The following DYSF variants were observed in gnomAD, a reference collection of about 807,000 sequenced individuals.
DYSF encodes dysferlin.
A neutral mutation model predicts 274.9 loss-of-function variants in DYSF; 212 were observed. The ratio of observed to expected loss-of-function variants is 0.77; its 90% confidence interval spans 0.69 to 0.86. The LOEUF (loss-of-function observed/expected upper bound fraction) is 0.86. DYSF is among the 40% of genes least tolerant of loss of function. The pLI is 0.00. For missense variants in DYSF, 2,666 were observed against 2,783.2 expected (o/e 0.96, Z 0.95); for synonymous variants, 1,091 against 1,078.7 (o/e 1.01, Z -0.22).
At chr2:71,524,187 C>T (rs1038458075) in intron 12 of DYSF, among the ~76,000 whole-genome samples, 7 of 152,164 alleles carry the variant, frequency 4.6e-5, no homozygotes, top group Non-Finnish European at 7.3e-5. Context: ...AAGCTTGCCT[C>T]GTCTTCCAGG....
At chr2:71,599,721 A>G (rs780598111) in intron 33 of DYSF, among the ~76,000 whole-genome samples, 15 of 152,304 alleles carry the variant, frequency 9.8e-5, no homozygotes, top group Non-Finnish European at 1.8e-4. Flanking sequence ...CGGTGGGATG[A>G]AAGGGGAGGG....
intron 33 of DYSF, among the ~76,000 whole-genome samples, chr2:71,600,372 C>A (rs999913096): frequency 6.6e-6 from 1 of 152,316 alleles, no homozygotes; most frequent in African/African-American, 2.4e-5. Flanking sequence ...TAGAGAAATG[C>A]CAGGAGGCCG....
intron 28 of DYSF, 45 bp from the exon 29 acceptor site, chr2:71,570,554 G>A (rs771489612): frequency 8.1e-6 from 13 of 1,607,658 alleles, no homozygotes; most frequent in Admixed American, 1.7e-5. Context: ...CAGGAGAGAT[G>A]GGGGGAACTG....
chr2:71,599,782 G>C (rs962849455), intron 33 of DYSF, among the ~76,000 whole-genome samples: 3 of 152,236 alleles, frequency 2.0e-5, no homozygotes, highest in African/African-American at 7.2e-5. Context: ...CAGACATCAG[G>C]TTCCCTGGGT....
Position 71,658,964 on chromosome 2 carries a change from C to G in DYSF, c.4842C>G (p.Pro1614=). 1 of 1,614,180 alleles carries G rather than the reference C, an allele frequency of 6.2e-7. No individual in the cohort carries two copies. The highest frequency in any genetic ancestry group is 1.3e-5 in the African/African-American group (1 of 75,062). Residue 1614 remains proline, a synonymous_variant, in exon 44 of 56, where the codon CCC becomes CCG. Coordinates refer to ENST00000410020, the MANE Select transcript of DYSF (RefSeq NM_001130987.2). ...TCCACCAGCTGGCCGCCCAGGGACC[C>G]CAGGAGTGCTTGGTCCGTATCTACA... The part of the protein sequence containing the change: ...RQFHQLAAQG[P]QECLVRIYIV...
Position 71,561,855 on chromosome 2 carries a change from C to T in DYSF, c.2320C>T (p.Leu774=). Residue 774 remains leucine, a synonymous_variant, in exon 23 of 56, where the codon CTG becomes TTG. Coordinates refer to ENST00000410020, the MANE Select transcript of DYSF (RefSeq NM_001130987.2). ...HHLSQITEAA[L]ALKLGHSELP... ...CCTGAGCCAAATCACTGAGGCTGCC[C>T]TGGCCCTGAAGCTCGGCCACAGTGA... The T allele has an allele frequency of 6.2e-7, 1 of 1,614,172 alleles. No individual in the cohort carries two copies. Among genetic ancestry groups the T allele is most frequent in the Non-Finnish European group, 8.5e-7 (1 of 1,180,028 alleles).
chr2:71,549,929 G>A (rs1158896172), intron 17 of DYSF, among the ~76,000 whole-genome samples: 1 of 152,226 alleles, frequency 6.6e-6, no homozygotes, highest in African/African-American at 2.4e-5. Flanking sequence ...GTTGAAGGAG[G>A]TGGGGAGGCC....
intron 14 of DYSF, 65 bp downstream of exon 14, chr2:71,528,466 C>A: frequency 7.2e-7 from 1 of 1,382,742 alleles, no homozygotes; most frequent in Non-Finnish European, 1.0e-6. Context: ...GTGGACTGTG[C>A]CGGGTGAGAG....
intron 20 of DYSF, 54 bp from the exon 21 acceptor site, chr2:71,553,752 AT>A: frequency 5.2e-5 from 14 of 267,800 alleles, no homozygotes; most frequent in East Asian, 1.3e-4. Context: ...TTAGCACCCC[AT>A]CCCACCCGCC....
At chr2:71,628,970 A>T (rs1429512199) in intron 41 of DYSF, among the ~76,000 whole-genome samples, 1 of 152,198 alleles carries the variant, frequency 6.6e-6, no homozygotes, top group African/African-American at 2.4e-5. Flanking sequence ...AAAAATTTAA[A>T]AAGTAAAATT....
chr2:71,467,030 G>A, intron 1 of DYSF, 97 bp downstream of exon 1: 2 of 1,472,412 alleles, frequency 1.4e-6, no homozygotes, highest in Non-Finnish European at 1.8e-6. Context: ...GCTAACCCTA[G>A]TCCAGGCCAC....
chr2:71,634,039 C>T (rs1207981078), intron 41 of DYSF, among the ~76,000 whole-genome samples: 1 of 152,128 alleles, frequency 6.6e-6, no homozygotes, highest in Non-Finnish European at 1.5e-5. Context: ...AATAGATCTC[C>T]GCTATTTTCT....
In DYSF at chr2:71,540,271, C is replaced by T. The variant is rs368237706; in HGVS notation, c.1576+1032C>T. ...GACTACAGGCGCGCGCCACCACGCC[C>T]GGCTAATTTTTGTATTTTTAGTAGA... On this transcript the variant is annotated intron_variant, in intron 17 of 55. Transcript: ENST00000410020. 1.7e-3 allele frequency among the ~76,000 whole-genome samples: 254 copies of T among 152,044 alleles called. 2 individuals carry two copies. The South Asian group carries it at 0.036, about 21-fold the overall frequency.
At chr2:71,550,263 G>A (rs2090835042) in intron 17 of DYSF, among the ~76,000 whole-genome samples, 1 of 152,258 alleles carries the variant, frequency 6.6e-6, no homozygotes, top group Non-Finnish European at 1.5e-5. Context: ...TCCCATCTGG[G>A]AAACTCAGCT....
intron 41 of DYSF, among the ~76,000 whole-genome samples, chr2:71,640,777 G>A (rs966557738): frequency 4.0e-5 from 6 of 151,310 alleles, no homozygotes; most frequent in African/African-American, 1.2e-4. Context: ...GTGTTGCTTC[G>A]TCAAGTTTTG....
At chr2:71,501,416 T>C (rs577031960) in intron 3 of DYSF, among the ~76,000 whole-genome samples, 2 of 152,338 alleles carry the variant, frequency 1.3e-5, no homozygotes, top group East Asian at 3.9e-4. Flanking sequence ...AGTTTTATTA[T>C]GATAAATCGA....
intron 22 of DYSF, among the ~76,000 whole-genome samples, chr2:71,558,684 C>G (rs2091502126): frequency 6.6e-6 from 1 of 152,176 alleles, no homozygotes; most frequent in African/African-American, 2.4e-5. Context: ...TGCCTACAAA[C>G]AGTTCTGGCG....
intron 40 of DYSF, among the ~76,000 whole-genome samples, chr2:71,618,387 TG>T (rs1374550928): frequency 2.4e-4 from 1 of 4,128 alleles, no homozygotes. Flanking sequence ...GTGGTAGAGG[TG>T]GTGTGTGTGT....
intron 36 of DYSF, among the ~76,000 whole-genome samples, chr2:71,603,991 C>T (rs1373922619): frequency 6.6e-6 from 1 of 152,202 alleles, no homozygotes; most frequent in Non-Finnish European, 1.5e-5. Flanking sequence ...GCCCGAAGAG[C>T]ACCGAGTGCC....
Sources: allele counts gnomAD v4.1 joint callset (sites outside exome capture counted in the v4.1 genomes callset), GRCh38; gene constraint gnomAD v4.1.1; transcripts MANE v1.5; gene names NCBI Gene and HGNC (gene_info 2026-07-23, HGNC 2026-07-21).